The following ANXA4 variants were observed in gnomAD, a reference collection of about 807,000 sequenced individuals.
The protein encoded by ANXA4 is annexin A4.
ANXA4 carries 39 observed loss-of-function variants against 49.8 expected under a neutral mutation model. The observed-to-expected ratio is 0.78, with a 90% CI of 0.61 to 1.02. The LOEUF (loss-of-function observed/expected upper bound fraction) is 1.02. Among genes scored for constraint, ANXA4 ranks in the 50% least tolerant of loss-of-function variants. The pLI, the probability that ANXA4 is intolerant of heterozygous loss-of-function variation, is 0.00. For synonymous variants in ANXA4, 134 were observed against 152.5 expected (o/e 0.88, Z 0.89); for missense variants, 360 against 410.1 (o/e 0.88, Z 1.05).
intron 3 of ANXA4, among the ~76,000 whole-genome samples, chr2:69,797,184 T>C (rs1672982807): frequency 6.6e-6 from 1 of 152,176 alleles, no homozygotes; most frequent in South Asian, 2.1e-4. Flanking sequence ...TTGTTACCCA[T>C]CTGCAAAAGA....
intron 1 of ANXA4, among the ~76,000 whole-genome samples, chr2:69,773,545 C>T (rs1028118179): frequency 1.3e-5 from 2 of 151,412 alleles, no homozygotes; most frequent in Non-Finnish European, 2.9e-5. Context: ...TAAGTTTTGC[C>T]CCTGATTTTT....
intron 1 of ANXA4, among the ~76,000 whole-genome samples, chr2:69,762,319 G>A (rs1671324936): frequency 6.6e-6 from 1 of 151,944 alleles, no homozygotes; most frequent in African/African-American, 2.4e-5. Context: ...CTAAAAGCTG[G>A]AGGCTGCACT....
intron 2 of ANXA4, among the ~76,000 whole-genome samples, chr2:69,686,508 G>A (rs182034337): frequency 7.9e-5 from 12 of 152,174 alleles, no homozygotes; most frequent in African/African-American, 2.4e-4. Context: ...GCTGGAGTAC[G>A]GTGGCGTGAT....
chr2:69,775,125 G>A (rs551472650), intron 1 of ANXA4, among the ~76,000 whole-genome samples: 127 of 152,234 alleles, frequency 8.3e-4, no homozygotes, highest in African/African-American at 2.9e-3. Context: ...GGTTTCAATC[G>A]TTTCATGGTT....
chr2:69,712,377 G>A (rs1012389334), intron 2 of ANXA4, among the ~76,000 whole-genome samples: 1 of 152,190 alleles, frequency 6.6e-6, no homozygotes, highest in Admixed American at 6.5e-5. Context: ...GAAAATTACC[G>A]GGTTATTCAC....
chr2:69,756,284 G>C (rs1056389508), intron 1 of ANXA4, among the ~76,000 whole-genome samples: 6 of 152,116 alleles, frequency 3.9e-5, no homozygotes, highest in Admixed American at 6.5e-5. Context: ...GGGCGTTTTT[G>C]CTGTGCCTAA....
At chr2:69,815,969 A>G in intron 8 of ANXA4, 132 bp from the exon 9 acceptor site, 4 of 688,632 alleles carry the variant, frequency 5.8e-6, no homozygotes, top group Non-Finnish European at 1.0e-5. Flanking sequence ...TCCACTCACC[A>G]CTACCATTTC....
chr2:69,725,381 T>A (rs1012256492), intron 3 of ANXA4, among the ~76,000 whole-genome samples: 1 of 148,378 alleles, frequency 6.7e-6, no homozygotes, highest in African/African-American at 2.4e-5. Context: ...ATTTATTATT[T>A]ATTTATATAT....
At chr2:69,649,924 ATTTTTTT>A (rs35212855) in intron 1 of ANXA4, among the ~76,000 whole-genome samples, 5 of 52,036 alleles carry the variant, frequency 9.6e-5, no homozygotes, top group Non-Finnish European at 1.2e-4. Flanking sequence ...GCCTGGCCTG[ATTTTTTT>A]TTTTTTTTTT....
chr2:69,724,189 A>G (rs1202888457), intron 3 of ANXA4, among the ~76,000 whole-genome samples: 1 of 152,244 alleles, frequency 6.6e-6, no homozygotes, highest in Non-Finnish European at 1.5e-5. Context: ...CAAATACCTT[A>G]AGGATACATT....
chr2:69,659,211 G>T (rs116463148), intron 2 of ANXA4, among the ~76,000 whole-genome samples: 2,664 of 152,216 alleles, frequency 0.018, 42 homozygotes, highest in Middle Eastern at 0.048. Flanking sequence ...ATAAACCATT[G>T]GGAAATAAAT....
intron 3 of ANXA4, among the ~76,000 whole-genome samples, chr2:69,734,833 A>C (rs1318495774): frequency 6.6e-6 from 1 of 152,188 alleles, no homozygotes; most frequent in East Asian, 1.9e-4. Flanking sequence ...ACTTGAGTAT[A>C]GTGTACCCAC....
intron 3 of ANXA4, among the ~76,000 whole-genome samples, chr2:69,731,573 T>G (rs762882443): frequency 5.3e-5 from 8 of 152,094 alleles, no homozygotes; most frequent in Non-Finnish European, 1.2e-4. Flanking sequence ...ATTTTCATAA[T>G]GATGGCTTGG....
intron 2 of ANXA4, among the ~76,000 whole-genome samples, chr2:69,703,528 C>T (rs1486107830): frequency 1.3e-5 from 2 of 152,128 alleles, no homozygotes; most frequent in African/African-American, 4.8e-5. Context: ...TTGTGTCTGA[C>T]TTCTTTATTG....
chr2:69,669,873 T>G (rs1298486809), intron 2 of ANXA4, among the ~76,000 whole-genome samples: 2 of 152,156 alleles, frequency 1.3e-5, no homozygotes, highest in Non-Finnish European at 2.9e-5. Flanking sequence ...CTCAAGATTG[T>G]AAAGACTTCA....
chr2:69,700,432 C>T (rs935493560), intron 2 of ANXA4: 3 of 152,092 alleles, frequency 2.0e-5, no homozygotes, highest in African/African-American at 7.2e-5. Flanking sequence ...CCAAGCACTA[C>T]AAAAAGGTTT....
At chr2:69,717,303 A>T (rs567956099) in intron 2 of ANXA4, among the ~76,000 whole-genome samples, 180 of 152,150 alleles carry the variant, frequency 1.2e-3, no homozygotes, top group Non-Finnish European at 1.5e-3. Flanking sequence ...TTCTGTGCAG[A>T]AAACTGAGGC....
chr2:69,645,851 C>T (rs1367292546), intron 1 of ANXA4, among the ~76,000 whole-genome samples: 2 of 152,130 alleles, frequency 1.3e-5, no homozygotes, highest in Non-Finnish European at 2.9e-5. Context: ...ATGCTCACAA[C>T]CACCCTATGA....
At chr2:69,798,280 C>T (rs1311896325) in intron 3 of ANXA4, among the ~76,000 whole-genome samples, 37 of 152,344 alleles carry the variant, frequency 2.4e-4, no homozygotes, top group Non-Finnish European at 2.9e-5. Context: ...TTCCTGGTTA[C>T]TACGGTGGTT....
Sources: allele counts gnomAD v4.1 joint callset (sites outside exome capture counted in the v4.1 genomes callset), GRCh38; gene constraint gnomAD v4.1.1; transcripts MANE v1.5; gene names NCBI Gene and HGNC (gene_info 2026-07-23, HGNC 2026-07-21).